The following CTNNA2 variants were observed in gnomAD, a reference collection of about 807,000 sequenced individuals.
The protein encoded by CTNNA2 is catenin alpha-2.
CTNNA2 carries 42 observed loss-of-function variants against 101.0 expected under a neutral mutation model. That is an observed-to-expected ratio of 0.42 (90% CI 0.32 to 0.54). The LOEUF (loss-of-function observed/expected upper bound fraction) is 0.54. Ranked by LOEUF, CTNNA2 falls within the 20% of genes least tolerant of loss-of-function variation. The pLI is 0.14. For synonymous variants in CTNNA2, 450 were observed against 456.4 expected, an observed-to-expected ratio of 0.99 and a Z score of 0.18; for missense variants, 871 against 1,223.1, an observed-to-expected ratio of 0.71 and a Z score of 4.29.
At chr2:80,437,174 G>A (rs927777654) in intron 9 of CTNNA2, among the ~76,000 whole-genome samples, 1 of 152,174 alleles carries the variant, frequency 6.6e-6, no homozygotes, top group African/African-American at 2.4e-5. Context: ...CTGTGGAACT[G>A]TGAGCCATAA....
intron 7 of CTNNA2, among the ~76,000 whole-genome samples, chr2:80,354,119 C>T (rs958366432): frequency 1.4e-4 from 22 of 152,098 alleles, no homozygotes; most frequent in Non-Finnish European, 2.6e-4. Flanking sequence ...TCTTCTTAAC[C>T]GTCAACTAAT....
chr2:79,718,882 A>C (rs1011948343), intron 2 of CTNNA2, among the ~76,000 whole-genome samples: 1 of 151,464 alleles, frequency 6.6e-6, no homozygotes, highest in Non-Finnish European at 1.5e-5. Context: ...TAATAAGGAC[A>C]GTTAAATACC....
chr2:80,410,195 A>G (rs1187014564), intron 8 of CTNNA2, among the ~76,000 whole-genome samples: 1 of 152,192 alleles, frequency 6.6e-6, no homozygotes, highest in Non-Finnish European at 1.5e-5. Flanking sequence ...CTCATACCCC[A>G]CCCAATAGGT....
intron 12 of CTNNA2, among the ~76,000 whole-genome samples, chr2:80,563,056 AAAAAAAG>A (rs1693751363): frequency 1.4e-5 from 2 of 144,176 alleles, no homozygotes; most frequent in Non-Finnish European, 1.5e-5. Flanking sequence ...ACCAAAAAAA[AAAAAAAG>A]AAAGACATGA....
chr2:79,543,064 T>C (rs1053715545), intron 1 of CTNNA2, among the ~76,000 whole-genome samples: 1 of 152,160 alleles, frequency 6.6e-6, no homozygotes, highest in African/African-American at 2.4e-5. Context: ...TTGGGAAGTA[T>C]TTTCATAAAC....
At chr2:79,493,270 A>T (rs1671222269) in intron 4 of CTNNA2, among the ~76,000 whole-genome samples, 1 of 152,068 alleles carries the variant, frequency 6.6e-6, no homozygotes, top group Non-Finnish European at 1.5e-5. Context: ...GAAGGAAGAA[A>T]ATGCCTCCAG....
chr2:79,720,734 A>C (rs969916901), intron 2 of CTNNA2, among the ~76,000 whole-genome samples: 3 of 152,114 alleles, frequency 2.0e-5, no homozygotes, highest in Non-Finnish European at 2.9e-5. Context: ...GTACATATCC[A>C]GGAACCTTGC....
chr2:79,730,746 C>T (rs1406542954), intron 2 of CTNNA2, among the ~76,000 whole-genome samples: 2 of 151,734 alleles, frequency 1.3e-5, no homozygotes, highest in South Asian at 2.1e-4. Context: ...TATGACAAAA[C>T]CATGAAACTC....
intron 3 of CTNNA2, among the ~76,000 whole-genome samples, chr2:79,313,883 C>T (rs914668687): frequency 6.6e-6 from 1 of 152,120 alleles, no homozygotes; most frequent in Admixed American, 6.5e-5. Flanking sequence ...TGGAAAGGAA[C>T]TCTCCTCATA....
At chr2:79,257,331 A>C (rs572840121) in intron 2 of CTNNA2, among the ~76,000 whole-genome samples, 43 of 152,100 alleles carry the variant, frequency 2.8e-4, no homozygotes, top group Non-Finnish European at 3.7e-4. Context: ...CTGAAACAGA[A>C]AACACTTAAG....
At chr2:80,018,739 C>T (rs1288821489) in intron 7 of CTNNA2, among the ~76,000 whole-genome samples, 1 of 150,602 alleles carries the variant, frequency 6.6e-6, no homozygotes. Context: ...TAAGATCGTG[C>T]CACTGCACTC....
chr2:80,250,998 A>G (rs1406697932), intron 7 of CTNNA2, among the ~76,000 whole-genome samples: 1 of 152,170 alleles, frequency 6.6e-6, no homozygotes, highest in Non-Finnish European at 1.5e-5. Context: ...AATGAGTCTT[A>G]AGGGAGTCTT....
chr2:79,910,861 G>A (rs1685744510), intron 7 of CTNNA2, among the ~76,000 whole-genome samples: 1 of 152,202 alleles, frequency 6.6e-6, no homozygotes, highest in Admixed American at 6.5e-5. Flanking sequence ...AGGAATGAGT[G>A]TTGACAGTAG....
chr2:79,525,486 G>C (rs1431703612), intron 1 of CTNNA2, among the ~76,000 whole-genome samples: 1 of 151,846 alleles, frequency 6.6e-6, no homozygotes, highest in East Asian at 1.9e-4. Flanking sequence ...TTAAAACCCT[G>C]TGAGCCATTC....
chr2:80,403,482 A>G (rs966399619), intron 8 of CTNNA2, among the ~76,000 whole-genome samples: 33 of 152,322 alleles, frequency 2.2e-4, no homozygotes, highest in African/African-American at 7.7e-4. Flanking sequence ...CTTGATGTTT[A>G]TCACAGTGAC....
chr2:80,188,618 T>G (rs1486923414), intron 7 of CTNNA2, among the ~76,000 whole-genome samples: 1 of 152,112 alleles, frequency 6.6e-6, no homozygotes, highest in Non-Finnish European at 1.5e-5. Context: ...GCCACCCAAT[T>G]CCTTGGCTCA....
intron 7 of CTNNA2, among the ~76,000 whole-genome samples, chr2:80,025,325 C>T (rs1287850784): frequency 3.3e-5 from 5 of 152,198 alleles, no homozygotes; most frequent in Non-Finnish European, 5.9e-5. Flanking sequence ...ACCCAGCATT[C>T]CCCTGCCTCC....
At chr2:80,461,043 A>AT (rs1341924909) in intron 9 of CTNNA2, among the ~76,000 whole-genome samples, 1 of 152,180 alleles carries the variant, frequency 6.6e-6, no homozygotes, top group East Asian at 1.9e-4. Flanking sequence ...AATGATAGAG[A>AT]TACAGCATGA....
At chr2:80,300,284 GTGTGTGTGTGT>G (rs1676153495) in intron 7 of CTNNA2, among the ~76,000 whole-genome samples, 2 of 12,086 alleles carry the variant, frequency 1.7e-4, no homozygotes, top group African/African-American at 4.6e-4. Flanking sequence ...GTGTTGGGGT[GTGTGTGTGTGT>G]GTGTGTGTGT....
Sources: allele counts gnomAD v4.1 joint callset (sites outside exome capture counted in the v4.1 genomes callset), GRCh38; gene constraint gnomAD v4.1.1; transcripts MANE v1.5; gene names NCBI Gene and HGNC (gene_info 2026-07-23, HGNC 2026-07-21).